Variants in TENM3 observed in about 807,000 individuals in gnomAD.
TENM3 encodes the protein teneurin-3.
In TENM3, 63 loss-of-function variants were observed where a neutral mutation model predicts 255.1. That is an observed-to-expected ratio of 0.25 (90% CI 0.20 to 0.30). The LOEUF (loss-of-function observed/expected upper bound fraction) is 0.30, where lower values mean the gene tolerates loss of function less well. Among genes scored for constraint, TENM3 ranks in the 10% least tolerant of loss-of-function variants. The pLI, the probability that TENM3 is intolerant of heterozygous loss-of-function variation, is 1.00. For missense variants in TENM3, 2,929 were observed against 3,461.1 expected (o/e 0.85, Z 3.86); for synonymous variants, 1,306 against 1,322.3 (o/e 0.99, Z 0.27).
intron 16 of TENM3, among the ~76,000 whole-genome samples, chr4:182,732,829 A>T (rs1030376333): frequency 1.3e-5 from 2 of 152,180 alleles, no homozygotes; most frequent in Non-Finnish European, 2.9e-5. Flanking sequence ...CTGTCTCAAA[A>T]ATATATATAT....
chr4:182,434,000 G>A (rs923866772), intron 3 of TENM3, among the ~76,000 whole-genome samples: 2 of 152,114 alleles, frequency 1.3e-5, no homozygotes, highest in African/African-American at 4.8e-5. Flanking sequence ...TGTAGTCCCT[G>A]CTGCTCGGGA....
At chr4:181,825,012 G>A in the TENM3 span, among the ~76,000 whole-genome samples, 1 of 152,194 alleles carries the variant, frequency 6.6e-6, no homozygotes, top group African/African-American at 2.4e-5. Context: ...TTTTAATTCA[G>A]TTCTCAGAAA....
At chr4:182,008,946 A>G in the TENM3 span, among the ~76,000 whole-genome samples, 1 of 151,864 alleles carries the variant, frequency 6.6e-6, no homozygotes, top group Non-Finnish European at 1.5e-5. Context: ...TGCTATTGTT[A>G]CTGCTTTCTG....
chr4:182,341,063 A>G (rs897601760), intron 2 of TENM3, among the ~76,000 whole-genome samples: 1 of 152,196 alleles, frequency 6.6e-6, no homozygotes, highest in African/African-American at 2.4e-5. Context: ...AAATGCTCCC[A>G]TGTATCTTAC....
intron 1 of TENM3, among the ~76,000 whole-genome samples, chr4:182,200,570 T>C (rs939432206): frequency 6.6e-6 from 1 of 152,216 alleles, no homozygotes; most frequent in African/African-American, 2.4e-5. Context: ...TGTCCTTGGC[T>C]AAGTTATTCT....
chr4:181,921,991 T>C, the TENM3 span, among the ~76,000 whole-genome samples: 1 of 152,252 alleles, frequency 6.6e-6, no homozygotes, highest in African/African-American at 2.4e-5. Context: ...ATTGAGATAA[T>C]CGTGTGATTT....
At chr4:181,766,387 TTAAGTAACTCCG>T in the TENM3 span, among the ~76,000 whole-genome samples, 1 of 151,968 alleles carries the variant, frequency 6.6e-6, no homozygotes, top group Non-Finnish European at 1.5e-5. Context: ...GAGTAGGGGC[TTAAGTAACTCCG>T]TTGGAAACAC....
chr4:182,110,113 C>CAA, the TENM3 span, among the ~76,000 whole-genome samples: 161 of 109,640 alleles, frequency 1.5e-3, 1 homozygote, highest in East Asian at 0.011. Flanking sequence ...GACTCTGTCT[C>CAA]AAAAAAAAAA....
At chr4:181,972,330 G>A in the TENM3 span, among the ~76,000 whole-genome samples, 2 of 150,120 alleles carry the variant, frequency 1.3e-5, no homozygotes, top group Non-Finnish European at 3.0e-5. Context: ...CAGGTGGGAG[G>A]ATTACTCGAG....
the TENM3 span, among the ~76,000 whole-genome samples, chr4:181,888,532 A>ATATATATATATGTG: frequency 1.3e-5 from 1 of 78,750 alleles, no homozygotes; most frequent in South Asian, 3.5e-4. Context: ...ATATACATAT[A>ATATATATATATGTG]TGTGTATATA....
At chr4:182,562,696 G>A (rs1004145229) in intron 3 of TENM3, among the ~76,000 whole-genome samples, 1 of 152,078 alleles carries the variant, frequency 6.6e-6, no homozygotes. Context: ...TGGAAAAGGG[G>A]CAAGATCTTG....
chr4:182,701,366 G>A (rs565372193), intron 12 of TENM3, among the ~76,000 whole-genome samples: 35 of 151,452 alleles, frequency 2.3e-4, no homozygotes, highest in African/African-American at 7.8e-4. Context: ...GACTACAGGC[G>A]CCCACAACCA....
In TENM3 at chr4:182,688,506, A is replaced by T. The variant is rs77215208; in HGVS notation, c.2221+155A>T. ...ATTTTTTAAATATGGTTGTCATTTT[A>T]TAATGGCAATTCAGTTCTTTTTAGA... On this transcript the variant is annotated intron_variant, in intron 12 of 27. Transcript: ENST00000511685. Among the ~76,000 whole-genome samples the T allele has an allele frequency of 0.014, 2,122 of 152,340 alleles. 54 individuals carry two copies. Among genetic ancestry groups the T allele is most frequent in the South Asian group, 0.11 (514 of 4,828 alleles).
At chr4:181,459,916 C>T in the TENM3 span, among the ~76,000 whole-genome samples, 5 of 151,860 alleles carry the variant, frequency 3.3e-5, no homozygotes, top group South Asian at 2.1e-4. Context: ...GACACATCAA[C>T]GATATTGAGT....
the TENM3 span, among the ~76,000 whole-genome samples, chr4:181,538,177 A>G: frequency 6.6e-6 from 1 of 152,102 alleles, no homozygotes; most frequent in Non-Finnish European, 1.5e-5. Flanking sequence ...AAATGTTAAA[A>G]ATGCACTTTT....
chr4:181,794,423 A>G, the TENM3 span, among the ~76,000 whole-genome samples: 10 of 152,128 alleles, frequency 6.6e-5, no homozygotes, highest in Non-Finnish European at 8.8e-5. Context: ...AACTTTGCAC[A>G]ATTTGACCAA....
chr4:181,522,873 A>G, the TENM3 span: 1 of 996,862 alleles, frequency 1.0e-6, no homozygotes, highest in South Asian at 1.3e-5. Context: ...TTGTGCTGTT[A>G]TTGTGGTTGT....
chr4:182,388,612 C>G (rs550915489), intron 3 of TENM3, among the ~76,000 whole-genome samples: 22 of 152,314 alleles, frequency 1.4e-4, no homozygotes, highest in Admixed American at 1.0e-3. Context: ...TTTCAAACAT[C>G]TACATCCATC....
the TENM3 span, among the ~76,000 whole-genome samples, chr4:181,546,689 G>A: frequency 7.2e-6 from 1 of 137,936 alleles, no homozygotes; most frequent in African/African-American, 2.8e-5. Context: ...ACTCCAGCCT[G>A]GGCGACAGAG....
Sources: gnomAD v4.1 joint callset for allele counts (sites outside exome capture counted in the v4.1 genomes callset) on GRCh38, gnomAD v4.1.1 for gene constraint, MANE v1.5 for transcripts, NCBI Gene and HGNC (gene_info 2026-07-23, HGNC 2026-07-21) for gene names.